Variants in PCED1B observed in about 807,000 individuals in gnomAD.
PCED1B encodes PC-esterase domain-containing protein 1B.
For synonymous variants in PCED1B, 251 were observed against 246.1 expected, an observed-to-expected ratio of 1.02 and a Z score of -0.19; for missense variants, 573 against 573.9, an observed-to-expected ratio of 1.00 and a Z score of 0.02.
chr12:47,099,896 G>C (rs1938630754), intron 1 of PCED1B, among the ~76,000 whole-genome samples: 1 of 152,178 alleles, frequency 6.6e-6, no homozygotes, highest in South Asian at 2.1e-4. Context: ...TCCATTCCAT[G>C]CCAGTCATAA....
intron 2 of PCED1B, among the ~76,000 whole-genome samples, chr12:47,172,477 A>C (rs911245289): frequency 1.3e-5 from 2 of 151,996 alleles, no homozygotes; most frequent in Non-Finnish European, 2.9e-5. Flanking sequence ...CCCTATCTCA[A>C]AAAGAAATTC....
At chr12:47,212,171 G>A (rs530191936) in intron 2 of PCED1B, among the ~76,000 whole-genome samples, 1 of 152,070 alleles carries the variant, frequency 6.6e-6, no homozygotes, top group East Asian at 1.9e-4. Context: ...CTGGGGGTAG[G>A]TGGGAGACTG....
Position 47,080,729 on chromosome 12 carries a change from A to AAAT in PCED1B, c.-609+1017_-609+1019dup, listed in dbSNP as rs570540549. The stretch of plus-strand genomic sequence containing the variant: ...AATGCAAAGATAAGAGTATTAACCC[A>AAAT]AATAATAATAATAATCCCAGAGCAG... On this transcript the variant is annotated intron_variant, in intron 1 of 3. Transcript: ENST00000546455. 2.5e-3 allele frequency among the ~76,000 whole-genome samples: 378 copies of AAAT among 152,228 alleles called. 2 individuals are homozygous for AAAT. The highest frequency in any genetic ancestry group is 8.8e-3 in the African/African-American group (364 of 41,544).
chr12:47,152,991 C>T (rs1006319971), intron 2 of PCED1B, among the ~76,000 whole-genome samples: 2 of 151,618 alleles, frequency 1.3e-5, no homozygotes, highest in Non-Finnish European at 1.5e-5. Flanking sequence ...ATTTAGAAAA[C>T]GATTATTACA....
In PCED1B at chr12:47,230,302, T is replaced by C. The variant is rs1010254871; in HGVS notation, c.-57-4705T>C. On this transcript the variant is annotated intron_variant, in intron 3 of 3. Transcript: ENST00000546455. ...GGTTTCACAATGTTTGCCAGGATGG[T>C]CTCCATCTCGTGACCTCGTGATCCT... Among the ~76,000 whole-genome samples the C allele has an allele frequency of 3.3e-5, 5 of 151,942 alleles. No homozygotes were observed. In the South Asian group the frequency reaches 1.0e-3, roughly 31 times the overall value.
intron 2 of PCED1B, among the ~76,000 whole-genome samples, chr12:47,174,044 C>T (rs1163757607): frequency 6.6e-6 from 1 of 152,160 alleles, no homozygotes; most frequent in Non-Finnish European, 1.5e-5. Flanking sequence ...CTTTGGAAAG[C>T]CGAGGCAGGC....
At chr12:47,136,085 C>CTTTTTTTTTTTTTTTTT (rs57549946) in intron 2 of PCED1B, 1 of 131,500 alleles carries the variant, frequency 7.6e-6, no homozygotes. Context: ...CAATTTCTTT[C>CTTTTTTTTTTTTTTTTT]TTTTTTTTTT....
At chr12:47,097,652 T>C (rs1255390079) in intron 1 of PCED1B, among the ~76,000 whole-genome samples, 1 of 152,196 alleles carries the variant, frequency 6.6e-6, no homozygotes, top group Non-Finnish European at 1.5e-5. Flanking sequence ...ATCTAAACTG[T>C]GGTTCAGTGA....
chr12:47,150,948 A>G (rs1462475199), intron 2 of PCED1B, among the ~76,000 whole-genome samples: 1 of 152,208 alleles, frequency 6.6e-6, no homozygotes, highest in Admixed American at 6.5e-5. Flanking sequence ...TTAAATTAAT[A>G]TAAATGGTAA....
At chr12:47,112,222 A>G (rs1419882248) in intron 2 of PCED1B, among the ~76,000 whole-genome samples, 3 of 152,242 alleles carry the variant, frequency 2.0e-5, no homozygotes, top group African/African-American at 2.4e-5. Context: ...ATCTGGAATT[A>G]CTTGATACAC....
rs187610959 is a variant in PCED1B at position 47,236,100 on chromosome 12, A to G, written c.1037A>G (p.His346Arg). Residue 346 changes from histidine to arginine, a missense_variant, in exon 4 of 4, where the codon CAT (histidine) becomes CGT (arginine). Physicochemically the swap from His to Arg is conservative, Grantham distance 29 (BLOSUM62 0). Transcript: ENST00000546455. ...GPPDACFSSD[H>R]TFQSDQFYCH... ...CCAGATGCCTGTTTTTCCTCAGACC[A>G]TACTTTCCAGTCGGATCAATTCTAT... 4 of 1,614,006 alleles carry G rather than the reference A, an allele frequency of 2.5e-6. No individual in the cohort carries two copies. Among genetic ancestry groups the G allele is most frequent in the East Asian group, 2.2e-5 (1 of 44,844 alleles).
At chr12:47,178,363 G>GTAGAAAGTCCCCAGCATAAGTGGGACA (rs1364639571) in intron 2 of PCED1B, among the ~76,000 whole-genome samples, 21 of 152,170 alleles carry the variant, frequency 1.4e-4, no homozygotes, top group Non-Finnish European at 2.8e-4. Flanking sequence ...GCACCCACTT[G>GTAGAAAGTCCCCAGCATAAGTGGGACA]TAGAAAGTCC....
intron 1 of PCED1B, among the ~76,000 whole-genome samples, chr12:47,080,105 G>T (rs1485163643): frequency 1.3e-5 from 2 of 152,108 alleles, no homozygotes; most frequent in Non-Finnish European, 2.9e-5. Context: ...GCTCCCACCC[G>T]GACCTCTAGA....
chr12:47,223,110 A>G (rs1355159965), intron 3 of PCED1B, among the ~76,000 whole-genome samples: 3 of 152,106 alleles, frequency 2.0e-5, no homozygotes, highest in Non-Finnish European at 4.4e-5. Context: ...AGAAATAAGA[A>G]AAAGAGAGAG....
chr12:47,218,855 C>T (rs1469636949), intron 3 of PCED1B, among the ~76,000 whole-genome samples: 2 of 151,764 alleles, frequency 1.3e-5, no homozygotes, highest in Non-Finnish European at 2.9e-5. Flanking sequence ...ATAGATCGGC[C>T]GCCTGTGGAA....
intron 2 of PCED1B, chr12:47,210,086 G>C (rs966925422): frequency 3.3e-5 from 5 of 152,224 alleles, no homozygotes; most frequent in African/African-American, 1.2e-4. Flanking sequence ...CATTTACTGA[G>C]AGGAGGAACA....
chr12:47,091,722 T>A (rs1040772240), intron 1 of PCED1B, among the ~76,000 whole-genome samples: 2 of 152,188 alleles, frequency 1.3e-5, no homozygotes, highest in Non-Finnish European at 2.9e-5. Context: ...TTGTGTGTAA[T>A]GTGAAATAAA....
chr12:47,193,391 C>A (rs908776041), intron 2 of PCED1B, among the ~76,000 whole-genome samples: 1 of 152,168 alleles, frequency 6.6e-6, no homozygotes, highest in Non-Finnish European at 1.5e-5. Flanking sequence ...TCCCTGCTCA[C>A]AATTCCTGAA....
chr12:47,131,764 G>C (rs1940139403), intron 2 of PCED1B, among the ~76,000 whole-genome samples: 1 of 148,034 alleles, frequency 6.8e-6, no homozygotes, highest in Non-Finnish European at 1.5e-5. Flanking sequence ...CGACTCCCTG[G>C]TTCAAGCAAT....
Sources: gnomAD v4.1 joint callset for allele counts (sites outside exome capture counted in the v4.1 genomes callset) on GRCh38, gnomAD v4.1.1 for gene constraint, MANE v1.5 for transcripts, NCBI Gene and HGNC (gene_info 2026-07-23, HGNC 2026-07-21) for gene names.